WWC2: variants seen among roughly 807,000 people sequenced by gnomAD.
WWC2 encodes the protein WW and C2 domain containing 2.
Under a neutral mutation model 138.5 loss-of-function variants are expected in WWC2, and 101 were observed. The ratio of observed to expected loss-of-function variants is 0.73; its 90% CI spans 0.62 to 0.86. The LOEUF is 0.86. Ranked by LOEUF, WWC2 falls within the 40% of genes least tolerant of loss-of-function variation. The probability of loss-of-function intolerance (pLI) is 0.00; values close to 1 mark genes in which losing one functional copy is unlikely to be tolerated. For missense variants in WWC2, 1,420 were observed against 1,419.4 expected (o/e 1.00, Z -0.01); for synonymous variants, 558 against 538.4 (o/e 1.04, Z -0.50).
chr4:183,261,281 C>G lies in WWC2; in HGVS notation c.1658C>G (p.Ser553Cys). The change falls in exon 11 of 23, where the codon TCC becomes TGC. Residue 553 changes from serine (S) to cysteine (C), a missense_variant. Coordinates refer to ENST00000403733, the MANE Select transcript of WWC2 (RefSeq NM_024949.6). ...VASLSSRSSL[S>C]SLSPPGSPLV... ...TCCCTGTCCTCGAGGTCCTCCCTTTCCTCCTTGTCTCCTCCAGGCTCTCCC... is the reference window on the plus strand; with the variant it reads ...TCCCTGTCCTCGAGGTCCTCCCTTTGCTCCTTGTCTCCTCCAGGCTCTCCC... 6.2e-7 allele frequency: 1 copy of G among 1,613,568 alleles called. No individual in the cohort carries two copies. Among genetic ancestry groups the G allele is most frequent in the East Asian group, 2.2e-5 (1 of 44,860 alleles).
intron 1 of WWC2, among the ~76,000 whole-genome samples, chr4:183,133,762 T>C (rs1733020373): frequency 6.6e-6 from 1 of 152,234 alleles, no homozygotes; most frequent in Admixed American, 6.5e-5. Flanking sequence ...CCCAAAGTGC[T>C]GGGATTACAG....
intron 1 of WWC2, among the ~76,000 whole-genome samples, chr4:183,191,950 T>C (rs1735003657): frequency 6.6e-6 from 1 of 152,138 alleles, no homozygotes; most frequent in Admixed American, 6.5e-5. Context: ...GGTCTTGAAC[T>C]CCTGGTCTCA....
chr4:183,216,102 C>T (rs780310665), intron 4 of WWC2, among the ~76,000 whole-genome samples: 6 of 152,088 alleles, frequency 3.9e-5, no homozygotes, highest in Non-Finnish European at 5.9e-5. Flanking sequence ...TTGACATGTA[C>T]GCAATAAATA....
intron 22 of WWC2, among the ~76,000 whole-genome samples, chr4:183,314,487 C>T (rs539568669): frequency 6.3e-4 from 96 of 152,300 alleles, no homozygotes; most frequent in African/African-American, 2.2e-3. Flanking sequence ...GTGGGATTTG[C>T]ACGGCTACCG....
chr4:183,100,917 A>G (rs1489027302), intron 1 of WWC2, among the ~76,000 whole-genome samples: 1 of 152,188 alleles, frequency 6.6e-6, no homozygotes, highest in Non-Finnish European at 1.5e-5. Context: ...AAATTGTGAC[A>G]GGCATCACAC....
chr4:183,210,609 G>A (rs1189752746), intron 4 of WWC2, among the ~76,000 whole-genome samples: 2 of 151,904 alleles, frequency 1.3e-5, no homozygotes, highest in African/African-American at 4.8e-5. Context: ...ACTTAACAAC[G>A]GGTATACATT....
At chr4:183,236,210 T>C (rs896914783) in intron 4 of WWC2, among the ~76,000 whole-genome samples, 2 of 152,208 alleles carry the variant, frequency 1.3e-5, no homozygotes, top group African/African-American at 4.8e-5. Context: ...TGTGTCTGTC[T>C]TTATGCCAGT....
chr4:183,286,178 A>C, intron 20 of WWC2, 119 bp downstream of exon 20: 1 of 938,684 alleles, frequency 1.1e-6, no homozygotes, highest in South Asian at 1.5e-5. Context: ...TGGCCTACTG[A>C]ATGCAGCCAC....
intron 1 of WWC2, among the ~76,000 whole-genome samples, chr4:183,152,203 A>G (rs1461913446): frequency 6.6e-6 from 1 of 152,132 alleles, no homozygotes; most frequent in Non-Finnish European, 1.5e-5. Context: ...TTCTATGTAC[A>G]TTTTAAAAAT....
chr4:183,130,304 G>A (rs1329847792), intron 1 of WWC2, among the ~76,000 whole-genome samples: 14 of 152,142 alleles, frequency 9.2e-5, no homozygotes, highest in South Asian at 6.2e-4. Context: ...TACCTGCCTC[G>A]GCCTCCCAGT....
chr4:183,138,454 G>A (rs1488263190), intron 1 of WWC2, among the ~76,000 whole-genome samples: 1 of 152,090 alleles, frequency 6.6e-6, no homozygotes, highest in Non-Finnish European at 1.5e-5. Context: ...CTGGCCTGGT[G>A]TTTTCTTTTT....
chr4:183,237,142 G>A (rs1220761708), intron 4 of WWC2, among the ~76,000 whole-genome samples: 1 of 152,288 alleles, frequency 6.6e-6, no homozygotes, highest in Middle Eastern at 3.4e-3. Flanking sequence ...AGTTGGGCAA[G>A]CTTGTTTTAT....
intron 1 of WWC2, among the ~76,000 whole-genome samples, chr4:183,117,818 C>T (rs1190414323): frequency 6.9e-5 from 10 of 145,876 alleles, no homozygotes; most frequent in Middle Eastern, 4.2e-3. Flanking sequence ...GGTGGAGTCT[C>T]GCTCTGTCGC....
chr4:183,126,925 T>TA (rs747562257), intron 1 of WWC2, among the ~76,000 whole-genome samples: 1 of 145,366 alleles, frequency 6.9e-6, no homozygotes. Context: ...TAAAGAGAGA[T>TA]AGAGTCTCAC....
rs75351985 is a variant in WWC2, at chr4:183,202,251, G to A, written c.242-5702G>A. Among the ~76,000 whole-genome samples, 1,329 of 152,180 alleles carry A rather than the reference G, an allele frequency of 8.7e-3. 21 individuals are homozygous for A. Among genetic ancestry groups the A allele is most frequent in the African/African-American group, 0.03 (1,260 of 41,496 alleles). On this transcript the variant is annotated intron_variant, in intron 2 of 22. Transcript: ENST00000403733. ...GGAGTCTGAGTTAGATAAAAGAGGA[G>A]GTTAGGGATATGGGCTTTTGGACTG... is the stretch of plus-strand genomic sequence containing the variant.
Position 183,240,210 on chromosome 4 carries a change from C to G in WWC2, c.550C>G (p.Gln184Glu). The G allele has an allele frequency of 3.2e-6, 5 of 1,551,822 alleles. No homozygotes were observed. The highest frequency in any genetic ancestry group is 4.4e-6 in the Non-Finnish European group (5 of 1,147,618). ...RVKKLKRELSQMKQELLYKEQ... is the reference protein window; with the variant it reads ...RVKKLKRELSEMKQELLYKEQ... The stretch of plus-strand genomic sequence containing the variant: ...TAAAAAGCTAAAGAGAGAGCTCTCA[C>G]AGATGAAGCAGGAACTGCTCTATAA... Residue 184 changes from glutamine to glutamate, a missense_variant, in exon 5 of 23, where the codon CAG becomes GAG. Coordinates refer to ENST00000403733, the MANE Select transcript of WWC2 (RefSeq NM_024949.6).
At chr4:183,113,906 G>T (rs916339617) in intron 1 of WWC2, among the ~76,000 whole-genome samples, 1 of 151,948 alleles carries the variant, frequency 6.6e-6, no homozygotes, top group Non-Finnish European at 1.5e-5. Context: ...AAAAATGAAA[G>T]AACTTGCTCA....
intron 16 of WWC2, among the ~76,000 whole-genome samples, chr4:183,274,818 A>G (rs548942483): frequency 4.6e-5 from 7 of 152,280 alleles, no homozygotes; most frequent in African/African-American, 1.7e-4. Context: ...TTGAGGACCC[A>G]CTGAAACAGT....
At chr4:183,214,508 G>T (rs181522224) in intron 4 of WWC2, among the ~76,000 whole-genome samples, 83 of 152,052 alleles carry the variant, frequency 5.5e-4, no homozygotes, top group African/African-American at 1.9e-3. Flanking sequence ...AAAGAAATAT[G>T]CTGGCCAGGC....
Sources: allele counts gnomAD v4.1 joint callset (sites outside exome capture counted in the v4.1 genomes callset), GRCh38; gene constraint gnomAD v4.1.1; transcripts MANE v1.5; gene names NCBI Gene and HGNC (gene_info 2026-07-23, HGNC 2026-07-21).